The following PLCXD3 variants were observed in gnomAD, a reference collection of about 807,000 sequenced individuals.
PLCXD3 encodes PI-PLC X domain-containing protein 3.
In PLCXD3, 19 loss-of-function variants were observed where a neutral mutation model predicts 25.5. That is an observed-to-expected ratio of 0.75 (90% CI 0.52 to 1.09). The LOEUF is 1.09. Among genes scored for constraint, PLCXD3 ranks in the 50% least tolerant of loss-of-function variants. PLCXD3 has a pLI of 0.00. For synonymous variants in PLCXD3, 174 were observed against 137.6 expected (o/e 1.26, Z -1.85); for missense variants, 411 against 388.1 (o/e 1.06, Z -0.50).
rs77877569 is a variant in PLCXD3, at chr5:41,477,639, T to C, written c.103+32785A>G. Among the ~76,000 whole-genome samples, 65 of 151,796 alleles carry C rather than the reference T, an allele frequency of 4.3e-4. 2 individuals are homozygous for C. The East Asian group carries it at 0.013, about 29-fold the overall frequency. On this transcript the variant is annotated intron_variant, in intron 1 of 2. Transcript: ENST00000377801. ...CCTTACACCATAGTCACTTCCAAAC[T>C]CTGGATTTCTTAACATTGCAGTTTG...
At chr5:41,466,461 T>A (rs937218122) in intron 1 of PLCXD3, among the ~76,000 whole-genome samples, 19 of 152,136 alleles carry the variant, frequency 1.2e-4, no homozygotes, top group African/African-American at 4.6e-4. Context: ...AGATACAATG[T>A]GATGTTTTTA....
At chr5:41,355,668 T>C (rs1036798801) in intron 2 of PLCXD3, among the ~76,000 whole-genome samples, 3 of 152,196 alleles carry the variant, frequency 2.0e-5, no homozygotes, top group Admixed American at 2.0e-4. Flanking sequence ...TTAAAGGAAA[T>C]GAACATCTTT....
chr5:41,483,266 A>C (rs938141363), intron 1 of PLCXD3, among the ~76,000 whole-genome samples: 7 of 152,234 alleles, frequency 4.6e-5, no homozygotes, highest in Non-Finnish European at 8.8e-5. Flanking sequence ...AATTTAAAAA[A>C]ATCCCAGTTA....
At chr5:41,361,967 G>A (rs753333346) in intron 2 of PLCXD3, among the ~76,000 whole-genome samples, 37 of 152,144 alleles carry the variant, frequency 2.4e-4, no homozygotes, top group Non-Finnish European at 4.3e-4. Context: ...AGACCACCAC[G>A]CTTACTTTCA....
At chr5:41,470,870 G>T (rs1748140697) in intron 1 of PLCXD3, among the ~76,000 whole-genome samples, 1 of 152,178 alleles carries the variant, frequency 6.6e-6, no homozygotes, top group Non-Finnish European at 1.5e-5. Flanking sequence ...TGCCGGCAGT[G>T]AGTCCCAAGA....
chr5:41,413,372 T>G (rs1009962181), intron 1 of PLCXD3, among the ~76,000 whole-genome samples: 3 of 152,196 alleles, frequency 2.0e-5, no homozygotes, highest in African/African-American at 7.2e-5. Flanking sequence ...AAGAGTCATT[T>G]CAAATCAAAT....
At chr5:41,509,765 G>C (rs1393517024) in intron 1 of PLCXD3, among the ~76,000 whole-genome samples, 1 of 152,202 alleles carries the variant, frequency 6.6e-6, no homozygotes, top group Non-Finnish European at 1.5e-5. Flanking sequence ...GACCAGACTC[G>C]AGACAGCGGC....
chr5:41,473,544 G>A (rs760305710), intron 1 of PLCXD3, among the ~76,000 whole-genome samples: 3 of 152,088 alleles, frequency 2.0e-5, no homozygotes, highest in African/African-American at 4.8e-5. Flanking sequence ...CCAGGTTCAC[G>A]CCATTCTCCT....
chr5:41,346,882 A>T (rs1344127120), intron 2 of PLCXD3, among the ~76,000 whole-genome samples: 1 of 152,204 alleles, frequency 6.6e-6, no homozygotes, highest in African/African-American at 2.4e-5. Context: ...TTGTTTATCC[A>T]TTCAACTACC....
chr5:41,463,938 A>G (rs1344569119), intron 1 of PLCXD3, among the ~76,000 whole-genome samples: 2 of 152,132 alleles, frequency 1.3e-5, no homozygotes, highest in Admixed American at 1.3e-4. Flanking sequence ...CAACAAAATC[A>G]TAACAGCACT....
intron 1 of PLCXD3, among the ~76,000 whole-genome samples, chr5:41,507,572 T>C (rs1287918103): frequency 2.6e-5 from 4 of 152,216 alleles, no homozygotes. Context: ...GGAACTGTGC[T>C]CTGGTGGGGA....
At chr5:41,327,256 G>A (rs1012310850) in intron 2 of PLCXD3, among the ~76,000 whole-genome samples, 4 of 152,156 alleles carry the variant, frequency 2.6e-5, no homozygotes, top group Non-Finnish European at 5.9e-5. Context: ...GGAGGTGTGG[G>A]GGAATTGACT....
At chr5:41,378,148 G>C (rs57922652) in intron 2 of PLCXD3, among the ~76,000 whole-genome samples, 11,398 of 152,098 alleles carry the variant, frequency 0.075, 1,450 homozygotes, top group African/African-American at 0.26. Context: ...CTGAATAAGT[G>C]ATAAGTATTA....
intron 2 of PLCXD3, among the ~76,000 whole-genome samples, chr5:41,353,834 C>T (rs1744541374): frequency 6.6e-6 from 1 of 152,182 alleles, no homozygotes; most frequent in Admixed American, 6.5e-5. Flanking sequence ...CCAGTAGTAA[C>T]TTATTTCTCT....
chr5:41,412,769 A>C (rs913282205), intron 1 of PLCXD3, among the ~76,000 whole-genome samples: 55 of 152,200 alleles, frequency 3.6e-4, no homozygotes, highest in Non-Finnish European at 2.9e-5. Context: ...CCTAATGCTA[A>C]AAGGACTTGA....
chr5:41,327,583 T>C (rs1743671034), intron 2 of PLCXD3, among the ~76,000 whole-genome samples: 1 of 152,190 alleles, frequency 6.6e-6, no homozygotes, highest in South Asian at 2.1e-4. Context: ...AAGATGTTAC[T>C]AGTGGAAATT....
In PLCXD3 at chr5:41,381,933, C is replaced by G; in HGVS notation, c.705G>C (p.Glu235Asp). ...TAAAAAACGATCCCTTCTTTCTTCT[C>G]TCAGTGATGGATGCTTGAAGAAACT... ...LIQFLQASIT[E>D]RRKKGSFFIS... Residue 235 changes from glutamate (E) to aspartate (D), a missense_variant, in exon 2 of 3, where the codon GAG becomes GAC. Coordinates refer to ENST00000377801, the MANE Select transcript of PLCXD3 (RefSeq NM_001005473.3). 6.2e-7 allele frequency: 1 copy of G among 1,613,426 alleles called. No homozygotes were observed. The highest frequency in any genetic ancestry group is 1.1e-5 in the South Asian group (1 of 91,056).
intron 2 of PLCXD3, among the ~76,000 whole-genome samples, chr5:41,344,857 A>C (rs1744256229): frequency 6.6e-6 from 1 of 152,162 alleles, no homozygotes; most frequent in African/African-American, 2.4e-5. Context: ...CATTCAATAT[A>C]TATGTATTGC....
intron 1 of PLCXD3, among the ~76,000 whole-genome samples, chr5:41,385,903 C>G (rs891321686): frequency 6.6e-6 from 1 of 152,052 alleles, no homozygotes; most frequent in Non-Finnish European, 1.5e-5. Flanking sequence ...AATGAGTAAG[C>G]TTGGAAATAA....
Sources: gnomAD v4.1 joint callset for allele counts (sites outside exome capture counted in the v4.1 genomes callset) on GRCh38, gnomAD v4.1.1 for gene constraint, MANE v1.5 for transcripts, NCBI Gene and HGNC (gene_info 2026-07-23, HGNC 2026-07-21) for gene names.